Variants in CNTNAP2 observed in about 807,000 individuals in gnomAD.
CNTNAP2 encodes the protein contactin associated protein 2.
A neutral mutation model predicts 155.2 loss-of-function variants in CNTNAP2; 98 were observed. That is an observed-to-expected ratio of 0.63 (90% CI 0.54 to 0.75). The LOEUF (loss-of-function observed/expected upper bound fraction) is 0.75, where lower values mean the gene tolerates loss of function less well. Among genes scored for constraint, CNTNAP2 ranks in the 30% least tolerant of loss-of-function variants. CNTNAP2 has a pLI of 0.00. For synonymous variants in CNTNAP2, 651 were observed against 631.2 expected (o/e 1.03, Z -0.47); for missense variants, 1,727 against 1,688.1 (o/e 1.02, Z -0.40).
chr7:147,125,043 GC>G (rs527436843), intron 6 of CNTNAP2, among the ~76,000 whole-genome samples: 82 of 151,974 alleles, frequency 5.4e-4, no homozygotes, highest in African/African-American at 1.9e-3. Context: ...ACTATGCCCG[GC>G]TATTTTTTTG....
chr7:146,303,071 C>T (rs1800639396), intron 1 of CNTNAP2, among the ~76,000 whole-genome samples: 3 of 128,156 alleles, frequency 2.3e-5, no homozygotes, highest in Admixed American at 1.5e-4. Flanking sequence ...CCTTTGTGTG[C>T]ATGTGTGTGT....
intron 1 of CNTNAP2, among the ~76,000 whole-genome samples, chr7:146,530,858 C>G (rs1797759347): frequency 6.6e-6 from 1 of 152,186 alleles, no homozygotes; most frequent in Non-Finnish European, 1.5e-5. Context: ...TTCCATCCAG[C>G]AATTCCATTA....
intron 17 of CNTNAP2, among the ~76,000 whole-genome samples, chr7:148,154,320 A>T (rs1463397278): frequency 1.3e-5 from 2 of 152,086 alleles, no homozygotes; most frequent in Non-Finnish European, 2.9e-5. Flanking sequence ...CTGGGTGGCA[A>T]CCTGAGTTTA....
intron 13 of CNTNAP2, among the ~76,000 whole-genome samples, chr7:147,737,976 G>A (rs567172473): frequency 5.3e-5 from 8 of 152,304 alleles, no homozygotes; most frequent in Admixed American, 3.3e-4. Flanking sequence ...CGGGTGAGGC[G>A]ATGCCTTGCC....
intron 15 of CNTNAP2, among the ~76,000 whole-genome samples, chr7:148,114,309 A>T (rs1804417584): frequency 6.6e-6 from 1 of 152,222 alleles, no homozygotes; most frequent in Non-Finnish European, 1.5e-5. Context: ...TTTATTTAGC[A>T]TCTTTAACAC....
At chr7:146,670,643 C>T (rs966474632) in intron 1 of CNTNAP2, among the ~76,000 whole-genome samples, 4 of 152,126 alleles carry the variant, frequency 2.6e-5, no homozygotes, top group Admixed American at 6.5e-5. Flanking sequence ...TATATTCTCA[C>T]GTCTCAACTT....
intron 4 of CNTNAP2, among the ~76,000 whole-genome samples, chr7:147,046,877 A>C (rs1799368940): frequency 6.6e-6 from 1 of 151,546 alleles, no homozygotes; most frequent in Non-Finnish European, 1.5e-5. Flanking sequence ...AAAATACAAA[A>C]CAAAATTAAC....
chr7:148,372,652 G>T (rs968183201), intron 21 of CNTNAP2, among the ~76,000 whole-genome samples: 6 of 152,134 alleles, frequency 3.9e-5, no homozygotes, highest in African/African-American at 1.4e-4. Context: ...AGGTTACCGT[G>T]AGCCGAGATT....
intron 4 of CNTNAP2, among the ~76,000 whole-genome samples, chr7:147,086,947 T>C (rs1472257675): frequency 1.3e-5 from 2 of 152,180 alleles, no homozygotes; most frequent in Non-Finnish European, 2.9e-5. Context: ...CCCTGATACT[T>C]AGAAAAGTTT....
At chr7:147,666,415 G>GTA (rs1795698076) in intron 13 of CNTNAP2, among the ~76,000 whole-genome samples, 1 of 152,142 alleles carries the variant, frequency 6.6e-6, no homozygotes. Context: ...TGATGCTGGT[G>GTA]TAAACAAACC....
intron 15 of CNTNAP2, among the ~76,000 whole-genome samples, chr7:147,981,818 G>GT (rs370637829): frequency 4.8e-4 from 60 of 124,212 alleles, no homozygotes; most frequent in Non-Finnish European, 8.4e-4. Flanking sequence ...TGTGTGTGTG[G>GT]TTTTTTTTTT....
chr7:146,800,706 T>C (rs139741426), intron 2 of CNTNAP2, among the ~76,000 whole-genome samples: 1 of 152,280 alleles, frequency 6.6e-6, no homozygotes, highest in Admixed American at 6.5e-5. Context: ...CAGTTGTAAA[T>C]GTAAGGAGAA....
At chr7:147,741,634 T>A (rs2177722) in intron 13 of CNTNAP2, among the ~76,000 whole-genome samples, 8,428 of 152,272 alleles carry the variant, frequency 0.055, 743 homozygotes, top group African/African-American at 0.19. Context: ...ATAGCAGTAG[T>A]ATACTACCAC....
At chr7:146,821,425 G>T (rs978439635) in intron 2 of CNTNAP2, among the ~76,000 whole-genome samples, 18 of 152,126 alleles carry the variant, frequency 1.2e-4, no homozygotes, top group Admixed American at 8.5e-4. Context: ...CACTTATGAA[G>T]CTTAGTTTGG....
chr7:147,354,100 A>ATT (rs1333556705), intron 9 of CNTNAP2, among the ~76,000 whole-genome samples: 1 of 151,920 alleles, frequency 6.6e-6, no homozygotes, highest in African/African-American at 2.4e-5. Flanking sequence ...AGTCACTCTG[A>ATT]TGATAGTTTC....
chr7:146,628,866 C>G (rs1476993185), intron 1 of CNTNAP2, among the ~76,000 whole-genome samples: 1 of 152,046 alleles, frequency 6.6e-6, no homozygotes, highest in Non-Finnish European at 1.5e-5. Flanking sequence ...GCCCACATTA[C>G]TTGACGGTTA....
At chr7:146,350,031 G>T (rs918409257) in intron 1 of CNTNAP2, among the ~76,000 whole-genome samples, 1 of 152,028 alleles carries the variant, frequency 6.6e-6, no homozygotes, top group African/African-American at 2.4e-5. Context: ...GCTAGATTGG[G>T]GAAGTTCTTC....
At chr7:148,043,714 G>A (rs949025182) in intron 15 of CNTNAP2, among the ~76,000 whole-genome samples, 14 of 152,110 alleles carry the variant, frequency 9.2e-5, no homozygotes, top group African/African-American at 2.4e-4. Context: ...AAAGTCTCTC[G>A]TATTTTCGTT....
intron 21 of CNTNAP2, among the ~76,000 whole-genome samples, chr7:148,286,809 C>T (rs73464169): frequency 0.15 from 22,156 of 152,150 alleles, 2,077 homozygotes; most frequent in African/African-American, 0.26. Flanking sequence ...TTTTTAGGTT[C>T]ACAGAAAAAT....
Sources: allele counts gnomAD v4.1 joint callset (sites outside exome capture counted in the v4.1 genomes callset), GRCh38; gene constraint gnomAD v4.1.1; transcripts MANE v1.5; gene names NCBI Gene and HGNC (gene_info 2026-07-23, HGNC 2026-07-21).